Variants in HSP90B1 observed in about 807,000 individuals in gnomAD.
The protein encoded by HSP90B1 is endoplasmin.
Under a neutral mutation model 100.4 loss-of-function variants are expected in HSP90B1, and 27 were observed. That is an observed-to-expected ratio of 0.27 (90% CI 0.20 to 0.37). HSP90B1 has a LOEUF of 0.37. HSP90B1 is among the 10% of genes least tolerant of loss of function. The pLI, the probability that HSP90B1 is intolerant of heterozygous loss-of-function variation, is 1.00. For missense variants in HSP90B1, 678 were observed against 960.5 expected, an observed-to-expected ratio of 0.71 and a Z score of 3.89; for synonymous variants, 304 against 330.8, an observed-to-expected ratio of 0.92 and a Z score of 0.88.
chr12:103,932,435 T>C lies in HSP90B1; in HGVS notation c.294+17T>C, dbSNP rs1869796568. On this transcript the variant is annotated intron_variant, in intron 3 of 17. Transcript: ENST00000299767. ...AATAAAGAGGTAAGCAACATGTGGT[T>C]AGAATATTTTATCTCTGTATGGTGG... The C allele has an allele frequency of 6.3e-7, 1 of 1,594,562 alleles. No individual in the cohort carries two copies. The highest frequency in any genetic ancestry group is 8.6e-7 in the Non-Finnish European group (1 of 1,168,140).
chr12:103,943,796 G>C lies in HSP90B1; in HGVS notation c.1949G>C (p.Ser650Thr). 2 of 1,614,142 alleles carry C rather than the reference G, an allele frequency of 1.2e-6. No individual in the cohort carries two copies. Among genetic ancestry groups the C allele is most frequent in the Non-Finnish European group, 1.7e-6 (2 of 1,179,986 alleles). Reference sequence around the variant, plus strand: ...GAATCTCCGTGTGCTTTGGTGGCCAGCCAGTACGGATGGTCTGGCAACATG... The same window carrying C: ...GAATCTCCGTGTGCTTTGGTGGCCACCCAGTACGGATGGTCTGGCAACATG... ...LTESPCALVA[S>T]QYGWSGNMER... is the part of the protein sequence containing the mutation. The change falls in exon 14 of 18, where the codon AGC becomes ACC. Residue 650 changes from serine to threonine, a missense_variant. Coordinates refer to ENST00000299767, the MANE Select transcript of HSP90B1 (RefSeq NM_003299.3). The surrounding 1 kb of genome is among the most constrained non-coding windows in gnomAD (Gnocchi z 5.3).
intron 14 of HSP90B1, among the ~76,000 whole-genome samples, chr12:103,945,253 G>A (rs1195297415): frequency 6.6e-6 from 1 of 152,104 alleles, no homozygotes; most frequent in African/African-American, 2.4e-5. Context: ...GTAGTGTGCT[G>A]TAATGGCATT....
At position 103,947,728 on chromosome 12, in the gene HSP90B1, GGA is replaced by G. The variant is rs776486970; in HGVS notation, c.*71_*72del. On this transcript the variant is annotated 3_prime_UTR_variant, in exon 18 of 18. Transcript: ENST00000299767. ...GTGAAATTTACATCATTTCTTTTTG[GGA>G]GAGACTTGTTTTGGATGCCCCCTAA... 2.2e-6 allele frequency: 3 copies of G among 1,373,334 alleles called. No individual in the cohort carries two copies. Among genetic ancestry groups the G allele is most frequent in the African/African-American group, 1.4e-5 (1 of 69,804 alleles). 85.1% of individuals were successfully genotyped at this position (1,373,334 alleles called of 1,614,324 possible). A position where few individuals can be genotyped will look rare whatever the true frequency, so the allele number is the denominator to read the frequency against.
chr12:103,935,956 G>A (rs1336380436), intron 5 of HSP90B1, among the ~76,000 whole-genome samples: 2 of 152,244 alleles, frequency 1.3e-5, no homozygotes, highest in African/African-American at 4.8e-5. Context: ...ACAGTTCCAT[G>A]CAGGGAACGA....
Position 103,930,608 on chromosome 12 carries a change from G to A in HSP90B1, c.49+44G>A, listed in dbSNP as rs1869717724. 1.3e-6 allele frequency: 2 copies of A among 1,575,176 alleles called. No homozygotes were observed. Among genetic ancestry groups the A allele is most frequent in the Non-Finnish European group, 1.7e-6 (2 of 1,160,216 alleles). On this transcript the variant is annotated intron_variant, in intron 1 of 17. Coordinates refer to ENST00000299767, the MANE Select transcript of HSP90B1 (RefSeq NM_003299.3). The surrounding 1 kb of genome is among the most constrained non-coding windows in gnomAD (Gnocchi z 4.4). ...GCAGACGTCCCCCCTCCACACACGC[G>A]GCCGCTTCTCGAAGGTCCTGGGGGC...
At chr12:103,946,562 G>C (rs1237111490) in intron 14 of HSP90B1, 56 bp from the exon 15 acceptor site, 4 of 1,264,984 alleles carry the variant, frequency 3.2e-6, no homozygotes, top group South Asian at 2.4e-5. Flanking sequence ...TAAGGGAAAC[G>C]TATGAACCCT....
chr12:103,932,680 T>C (rs1869802769), intron 3 of HSP90B1, 146 bp from the exon 4 acceptor site: 1 of 673,634 alleles, frequency 1.5e-6, no homozygotes, highest in East Asian at 2.5e-5. Flanking sequence ...CTAAACTTCT[T>C]GCATTGCATA....
chr12:103,935,624 C>T (rs1869891048), intron 5 of HSP90B1, among the ~76,000 whole-genome samples: 1 of 152,124 alleles, frequency 6.6e-6, no homozygotes, highest in South Asian at 2.1e-4. Context: ...ACTTTTTTAA[C>T]TTGTGTTCCC....
At position 103,930,741 on chromosome 12, in the gene HSP90B1, TAA is replaced by T. The variant is rs941060065; in HGVS notation, c.49+183_49+184del. On this transcript the variant is annotated intron_variant, in intron 1 of 17. Transcript: ENST00000299767. This position sits in a 1 kb window ranked among gnomAD's most constrained non-coding sequence, Gnocchi z 4.4. ...GTTTATTCTCTTCTTCCTCTGGAAA[TAA>T]AAAAAGAGAGCAACATCATCTAACT... Among the ~76,000 whole-genome samples, 6 of 146,122 alleles carry T rather than the reference TAA, an allele frequency of 4.1e-5. No individual in the cohort carries two copies. Among genetic ancestry groups the T allele is most frequent in the African/African-American group, 1.3e-4 (5 of 39,218 alleles).
At chr12:103,945,675 G>A (rs941064209) in intron 14 of HSP90B1, among the ~76,000 whole-genome samples, 8 of 152,146 alleles carry the variant, frequency 5.3e-5, no homozygotes, top group Non-Finnish European at 7.4e-5. Context: ...AAATCAGTTC[G>A]TCTGTTCAGC....
Position 103,943,193 on chromosome 12 carries a change from C to G in HSP90B1, c.1764C>G (p.Phe588Leu), listed in dbSNP as rs763298993. 2 of 1,614,012 alleles carry G rather than the reference C, an allele frequency of 1.2e-6. No individual in the cohort carries two copies. Among genetic ancestry groups the G allele is most frequent in the Non-Finnish European group, 1.7e-6 (2 of 1,179,990 alleles). ...TTCCCGAATTTGATGGGAAGAGGTT[C>G]CAGAATGTTGCCAAGGAAGGAGTGA... ...QALPEFDGKRFQNVAKEGVKF... is the reference protein window; with the variant it reads ...QALPEFDGKRLQNVAKEGVKF... Residue 588 changes from phenylalanine (F) to leucine (L), a missense_variant, in exon 13 of 18, where the codon TTC becomes TTG. By Grantham distance (22) the Phe-to-Leu change is conservative (BLOSUM62 0). Transcript: ENST00000299767. This position sits in a 1 kb window ranked among gnomAD's most constrained non-coding sequence, Gnocchi z 5.3.
intron 6 of HSP90B1, among the ~76,000 whole-genome samples, 193 bp downstream of exon 6, chr12:103,937,999 T>C (rs532876133): frequency 6.6e-6 from 1 of 152,188 alleles, no homozygotes; most frequent in South Asian, 2.1e-4. Flanking sequence ...AAACCCTGTC[T>C]CTACTAAAAA....
chr12:103,933,822 T>C (rs891859117), intron 4 of HSP90B1, 134 bp from the exon 5 acceptor site: 1 of 666,984 alleles, frequency 1.5e-6, no homozygotes, highest in Non-Finnish European at 2.6e-6. Context: ...CATAAAAAAC[T>C]ATGTGGAGGA....
intron 17 of HSP90B1, 86 bp from the exon 18 acceptor site, chr12:103,947,547 T>C: frequency 6.3e-7 from 1 of 1,580,066 alleles, no homozygotes; most frequent in Non-Finnish European, 8.6e-7. Context: ...AGCATTTAAA[T>C]TGTTTATTTC....
chr12:103,945,634 G>A (rs554722943), intron 14 of HSP90B1, among the ~76,000 whole-genome samples: 2 of 152,292 alleles, frequency 1.3e-5, no homozygotes, highest in South Asian at 2.1e-4. Context: ...ACGGTAGTAA[G>A]AATAAACTAA....
intron 5 of HSP90B1, among the ~76,000 whole-genome samples, chr12:103,936,993 T>C (rs1477019161): frequency 1.3e-5 from 2 of 152,170 alleles, no homozygotes; most frequent in African/African-American, 4.8e-5. Context: ...TATCAAGATA[T>C]GGACTACCTA....
rs1869714658 is a variant in HSP90B1 at position 103,930,553 on chromosome 12, T to C, written c.38T>C (p.Leu13Pro). The change falls in exon 1 of 18, where the codon CTG becomes CCG. Residue 13 changes from leucine (L) to proline (P), a missense_variant. Leu to Pro is a moderately conservative substitution (Grantham distance 98, BLOSUM62 -3). Coordinates refer to ENST00000299767, the MANE Select transcript of HSP90B1 (RefSeq NM_003299.3). The surrounding 1 kb of genome is among the most constrained non-coding windows in gnomAD (Gnocchi z 4.4). The stretch of plus-strand genomic sequence containing the variant: ...TGGGTGCTGGGCCTCTGCTGCGTCC[T>C]GCTGACCTTCGGTGAGTGATTCTGG... ...ALWVLGLCCV[L>P]LTFGSVRADD... The C allele has an allele frequency of 6.2e-7, 1 of 1,610,262 alleles. No individual in the cohort carries two copies. Among genetic ancestry groups the C allele is most frequent in the East Asian group, 2.3e-5 (1 of 44,406 alleles).
chr12:103,930,635 T>C lies in HSP90B1; in HGVS notation c.49+71T>C. The C allele has an allele frequency of 6.7e-7, 1 of 1,483,946 alleles. No individual in the cohort carries two copies. Among genetic ancestry groups the C allele is most frequent in the Non-Finnish European group, 9.2e-7 (1 of 1,091,488 alleles). The allele number at this position is 1,483,946 out of a possible 1,614,324, so 91.9% of individuals were successfully genotyped here. A position where few individuals can be genotyped will look rare whatever the true frequency, so the allele number is the denominator to read the frequency against. On this transcript the variant is annotated intron_variant, in intron 1 of 17. Coordinates refer to ENST00000299767, the MANE Select transcript of HSP90B1 (RefSeq NM_003299.3). This position sits in a 1 kb window ranked among gnomAD's most constrained non-coding sequence, Gnocchi z 4.4. ...CCGCTTCTCGAAGGTCCTGGGGGCG[T>C]TGAACGTGGGAGGGGGGATCCCGGG...
rs1488085423 is a variant in HSP90B1, at chr12:103,938,477, C to G, written c.975+18C>G. The G allele has an allele frequency of 6.2e-7, 1 of 1,605,946 alleles. No individual in the cohort carries two copies. Among genetic ancestry groups the G allele is most frequent in the African/African-American group, 1.3e-5 (1 of 74,180 alleles). On this transcript the variant is annotated intron_variant, in intron 7 of 17. Coordinates refer to ENST00000299767, the MANE Select transcript of HSP90B1 (RefSeq NM_003299.3). ...CTAAAAAAGTAAGTCTGGTTTATCT[C>G]CCTGCATAAGATATTGTTTAACATG...
Sources: allele counts gnomAD v4.1 joint callset (sites outside exome capture counted in the v4.1 genomes callset), GRCh38; gene constraint gnomAD v4.1.1; non-coding constraint Gnocchi (gnomAD v3.1); transcripts MANE v1.5; gene names NCBI Gene and HGNC (gene_info 2026-07-23, HGNC 2026-07-21).